AFAP1: variants seen among roughly 807,000 people sequenced by gnomAD.
AFAP1 encodes actin filament-associated protein 1.
Under a neutral mutation model 93.9 loss-of-function variants are expected in AFAP1, and 75 were observed. The ratio of observed to expected loss-of-function variants is 0.80; its 90% CI spans 0.66 to 0.97. The LOEUF is 0.97. AFAP1 is among the 50% of genes least tolerant of loss of function. The pLI is 0.00. For missense variants in AFAP1, 1,201 were observed against 1,050.8 expected (o/e 1.14, Z -1.98); for synonymous variants, 517 against 430.7 (o/e 1.20, Z -2.48).
chr4:7,839,952 G>T (rs1712790368), intron 5 of AFAP1, among the ~76,000 whole-genome samples: 1 of 152,170 alleles, frequency 6.6e-6, no homozygotes, highest in African/African-American at 2.4e-5. Context: ...ATGGAATTAA[G>T]TTATTAGCAA....
intron 1 of AFAP1, among the ~76,000 whole-genome samples, chr4:7,894,482 G>A (rs567190335): frequency 2.2e-4 from 34 of 152,316 alleles, no homozygotes; most frequent in South Asian, 8.3e-4. Flanking sequence ...CAGAAGAGAC[G>A]TACATGTCAA....
At chr4:7,930,366 GCCACC>G in intron 1 of AFAP1, among the ~76,000 whole-genome samples, 2 of 2,388 alleles carry the variant, frequency 8.4e-4, no homozygotes, top group Non-Finnish European at 1.3e-3. Flanking sequence ...TAAGTCATTG[GCCACC>G]GGTGGCTAGC....
At chr4:7,807,650 G>T (rs1719643409) in intron 9 of AFAP1, among the ~76,000 whole-genome samples, 1 of 152,238 alleles carries the variant, frequency 6.6e-6, no homozygotes, top group Admixed American at 6.5e-5. Flanking sequence ...CCCACAGGCA[G>T]CTGTTTCAAC....
intron 1 of AFAP1, among the ~76,000 whole-genome samples, chr4:7,927,846 A>C (rs1720850944): frequency 6.6e-6 from 1 of 152,198 alleles, no homozygotes; most frequent in South Asian, 2.1e-4. Context: ...ATTTAAGCCA[A>C]TGTGTATGTA....
At chr4:7,784,790 T>A (rs1202917918) in intron 12 of AFAP1, among the ~76,000 whole-genome samples, 1 of 152,138 alleles carries the variant, frequency 6.6e-6, no homozygotes, top group African/African-American at 2.4e-5. Flanking sequence ...TCCTGAGCAC[T>A]GGGGGTCCTC....
In AFAP1 at chr4:7,781,448, T is replaced by A. The variant is rs1476988310; in HGVS notation, c.1710A>T (p.Lys570Asn). The change falls in exon 13 of 18, where the codon AAA becomes AAT. Residue 570 changes from lysine to asparagine, a missense_variant. By Grantham distance (94) the Lys-to-Asn change is moderately conservative. Transcript: ENST00000420658. ...TGACAGACTGAGCGGAGGCAGGGTA[T>A]TTGTAATGGTTAGAGGACAGCTTGT... ...SADKLSSNHY[K>N]YPASAQSVTN... The A allele has an allele frequency of 3.2e-6, 5 of 1,552,092 alleles. No homozygotes were observed. Among genetic ancestry groups the A allele is most frequent in the Non-Finnish European group, 4.4e-6 (5 of 1,147,072 alleles).
chr4:7,852,067 AT>A (rs1197160913), intron 4 of AFAP1, among the ~76,000 whole-genome samples: 2 of 151,892 alleles, frequency 1.3e-5, no homozygotes, highest in Non-Finnish European at 2.9e-5. Flanking sequence ...GGTCAAAATA[AT>A]TTTTTTTGAA....
At chr4:7,864,167 A>ATTCCCAACTTCCCATCACAACCCATTCC (rs1577313455) in intron 3 of AFAP1, among the ~76,000 whole-genome samples, 2 of 125,724 alleles carry the variant, frequency 1.6e-5, no homozygotes, top group Admixed American at 8.4e-5. Context: ...ATCACAACCC[A>ATTCCCAACTTCCCATCACAACCCATTCC]CAGGTCCTTT....
chr4:7,786,600 G>A (rs752701650), intron 11 of AFAP1, among the ~76,000 whole-genome samples: 2 of 150,454 alleles, frequency 1.3e-5, no homozygotes, highest in Non-Finnish European at 2.9e-5. Context: ...AATACCAAGC[G>A]TTTTGATTAT....
intron 2 of AFAP1, 45 bp downstream of exon 2, chr4:7,871,907 C>A (rs760042040): frequency 1.2e-6 from 2 of 1,604,726 alleles, no homozygotes; most frequent in South Asian, 1.1e-5. Context: ...ATTTAGAAGC[C>A]AAGACACTGT....
At chr4:7,867,678 G>A (rs1487458352) in intron 3 of AFAP1, among the ~76,000 whole-genome samples, 1 of 152,202 alleles carries the variant, frequency 6.6e-6, no homozygotes, top group Non-Finnish European at 1.5e-5. Context: ...ATGGGTGTAC[G>A]TACACTTCCC....
At chr4:7,925,823 C>A (rs1407751085) in intron 1 of AFAP1, among the ~76,000 whole-genome samples, 2 of 143,484 alleles carry the variant, frequency 1.4e-5, no homozygotes, top group Admixed American at 1.4e-4. Flanking sequence ...CCAGCCTAGG[C>A]AATAAGAGCG....
At chr4:7,768,745 A>G in intron 17 of AFAP1, 99 bp downstream of exon 17, 1 of 1,373,608 alleles carries the variant, frequency 7.3e-7, no homozygotes, top group Non-Finnish European at 9.6e-7. Flanking sequence ...AAGTGGATGC[A>G]GTAGGAAGAA....
At chr4:7,812,057 C>T (rs1288215596) in intron 8 of AFAP1, among the ~76,000 whole-genome samples, 1 of 151,820 alleles carries the variant, frequency 6.6e-6, no homozygotes, top group Non-Finnish European at 1.5e-5. Context: ...TACCATCAGA[C>T]AGGGAGCGGC....
chr4:7,829,084 TGAA>T (rs1189955824), intron 6 of AFAP1, among the ~76,000 whole-genome samples: 2 of 152,234 alleles, frequency 1.3e-5, no homozygotes, highest in East Asian at 1.9e-4. Context: ...TGCTGCCATG[TGAA>T]GAAGGACGTG....
intron 6 of AFAP1, among the ~76,000 whole-genome samples, chr4:7,835,363 A>G (rs866792479): frequency 6.5e-5 from 6 of 92,078 alleles, no homozygotes; most frequent in African/African-American, 2.0e-4. Flanking sequence ...TGGCTCTTGA[A>G]TGGACTGTGG....
At chr4:7,816,168 ACCAAAAGTTATC>A in intron 7 of AFAP1, 69 bp from the exon 8 acceptor site, 1 of 1,305,408 alleles carries the variant, frequency 7.7e-7, no homozygotes, top group Non-Finnish European at 1.1e-6. Flanking sequence ...TGATGGATCA[ACCAAAAGTTATC>A]TCAAAAGTGA....
chr4:7,851,261 A>G (rs1241382551), intron 4 of AFAP1, among the ~76,000 whole-genome samples: 1 of 152,152 alleles, frequency 6.6e-6, no homozygotes, highest in African/African-American at 2.4e-5. Context: ...CATGGCCCAC[A>G]GTCTCTCTGA....
At chr4:7,781,797 C>G (rs1243888420) in intron 12 of AFAP1, among the ~76,000 whole-genome samples, 170 bp from the exon 13 acceptor site, 1 of 152,106 alleles carries the variant, frequency 6.6e-6, no homozygotes, top group African/African-American at 2.4e-5. Flanking sequence ...CCCACCACCC[C>G]CCTCCCACAC....
Sources: gnomAD v4.1 joint callset for allele counts (sites outside exome capture counted in the v4.1 genomes callset) on GRCh38, gnomAD v4.1.1 for gene constraint, MANE v1.5 for transcripts, NCBI Gene and HGNC (gene_info 2026-07-23, HGNC 2026-07-21) for gene names.